The following UGT1A7 variants were observed in gnomAD, a reference collection of about 807,000 sequenced individuals.
UGT1A7 encodes the protein UDP glucuronosyltransferase family 1 member A7.
A neutral mutation model predicts 45.6 loss-of-function variants in UGT1A7; 33 were observed. The ratio of observed to expected loss-of-function variants is 0.72; its 90% confidence interval spans 0.55 to 0.97. UGT1A7 has a LOEUF of 0.97. Ranked by LOEUF, UGT1A7 falls within the 50% of genes least tolerant of loss-of-function variation. The pLI, the probability that UGT1A7 is intolerant of heterozygous loss-of-function variation, is 0.00. For synonymous variants in UGT1A7, 274 were observed against 250.6 expected, an observed-to-expected ratio of 1.09 and a Z score of -0.88; for missense variants, 684 against 666.2, an observed-to-expected ratio of 1.03 and a Z score of -0.29.
chr2:233,691,470 G>A (rs12474980), intron 1 of UGT1A7: 213,736 of 985,588 alleles, frequency 0.22, 23,726 homozygotes, highest in Non-Finnish European at 0.23. Context: ...GAACACCTCC[G>A]GTGCCAAACT....
At chr2:233,728,461 T>G (rs1047446637) in intron 1 of UGT1A7, among the ~76,000 whole-genome samples, 5 of 152,176 alleles carry the variant, frequency 3.3e-5, no homozygotes, top group African/African-American at 2.4e-5. Context: ...CAACAAAGTC[T>G]TCCCAAGAAT....
chr2:233,720,855 G>A (rs1361240386), intron 1 of UGT1A7, among the ~76,000 whole-genome samples: 4 of 149,664 alleles, frequency 2.7e-5, no homozygotes, highest in Non-Finnish European at 5.9e-5. Flanking sequence ...GCAGGCATGT[G>A]CCACTGCTCC....
chr2:233,712,899 G>T, intron 1 of UGT1A7: 1 of 1,608,322 alleles, frequency 6.2e-7, no homozygotes, highest in Non-Finnish European at 8.5e-7. Flanking sequence ...TGATTTGCTA[G>T]GTGTCTCAGT....
At position 233,743,636 on chromosome 2, in the gene UGT1A7, C is replaced by T. The variant is rs764566878; in HGVS notation, c.856-23398C>T. 27 of 1,367,194 alleles carry T rather than the reference C, an allele frequency of 2.0e-5. 2 individuals are homozygous for T. The African/African-American group carries it at 2.2e-4, about 11-fold the overall frequency. The allele number at this position is 1,367,194 out of a possible 1,614,324, so 84.7% of individuals were successfully genotyped here. A position where few individuals can be genotyped will look rare whatever the true frequency, so the allele number is the denominator to read the frequency against. On this transcript the variant is annotated intron_variant, in intron 1 of 4. Transcript: ENST00000373426. Reference sequence around the variant, plus strand: ...CTCCCTGAAGACGTCGGCTGGGTCGCGGAAGCTGAAGACGTACTCGAAGGG... The same window carrying T: ...CTCCCTGAAGACGTCGGCTGGGTCGTGGAAGCTGAAGACGTACTCGAAGGG...
intron 1 of UGT1A7, among the ~76,000 whole-genome samples, chr2:233,749,222 T>C (rs1694145273): frequency 6.6e-6 from 1 of 151,946 alleles, no homozygotes; most frequent in Non-Finnish European, 1.5e-5. Context: ...CACTCTAAGC[T>C]TCATTTTTTA....
chr2:233,712,795 G>A (rs551571775), intron 1 of UGT1A7, among the ~76,000 whole-genome samples: 4 of 152,284 alleles, frequency 2.6e-5, no homozygotes, highest in South Asian at 2.1e-4. Context: ...AGGAGTGATC[G>A]GTCTTTCCCA....
At chr2:233,748,608 C>T (rs1265158966) in intron 1 of UGT1A7, among the ~76,000 whole-genome samples, 3 of 151,644 alleles carry the variant, frequency 2.0e-5, no homozygotes, top group African/African-American at 4.9e-5. Flanking sequence ...AGTAGAGCAA[C>T]GAACGTGGGA....
intron 4 of UGT1A7, 116 bp from the exon 5 acceptor site, chr2:233,772,146 G>A: frequency 6.4e-7 from 1 of 1,552,532 alleles, no homozygotes; most frequent in Non-Finnish European, 8.7e-7. Flanking sequence ...ATAGAAACAG[G>A]TTTCCTTTCC....
In UGT1A7 at chr2:233,693,556, A is replaced by C. The variant is rs1105879; in HGVS notation, c.855+10764A>C. The C allele has an allele frequency of 0.35, 557,689 of 1,613,924 alleles. 98,561 individuals carry two copies. The highest frequency in any genetic ancestry group is 0.44 in the South Asian group (40,333 of 91,082). ...GTTCCCTGGAGCATACATTCAGCAG[A>C]AGCCCAGACCCTGTGTCCTACATTC... On this transcript the variant is annotated intron_variant, in intron 1 of 4. Coordinates refer to ENST00000373426, the MANE Select transcript of UGT1A7 (RefSeq NM_019077.3).
At chr2:233,700,651 T>C (rs1028601197) in intron 1 of UGT1A7, among the ~76,000 whole-genome samples, 22 of 152,344 alleles carry the variant, frequency 1.4e-4, no homozygotes, top group African/African-American at 5.1e-4. Context: ...AGTGTTTACA[T>C]ATTTCTACTT....
chr2:233,684,062 C>A (rs2074661866), intron 1 of UGT1A7, among the ~76,000 whole-genome samples: 1 of 152,122 alleles, frequency 6.6e-6, no homozygotes, highest in African/African-American at 2.4e-5. Flanking sequence ...GGTGTCTGAT[C>A]TAAGTATATT....
At chr2:233,714,474 A>G (rs2076389157) in intron 1 of UGT1A7, among the ~76,000 whole-genome samples, 1 of 152,148 alleles carries the variant, frequency 6.6e-6, no homozygotes, top group African/African-American at 2.4e-5. Context: ...GTAATAGGAG[A>G]ATGTTTCTTG....
intron 1 of UGT1A7, among the ~76,000 whole-genome samples, chr2:233,737,453 A>G (rs1465600831): frequency 6.6e-6 from 1 of 152,182 alleles, no homozygotes; most frequent in Non-Finnish European, 1.5e-5. Context: ...TTTTCCAGGT[A>G]CAGTCTGTCA....
chr2:233,764,353 C>G (rs556692571), intron 1 of UGT1A7, among the ~76,000 whole-genome samples: 23 of 152,240 alleles, frequency 1.5e-4, no homozygotes, highest in Non-Finnish European at 2.8e-4. Flanking sequence ...CTTTATTGAG[C>G]CTCATAGTAG....
intron 1 of UGT1A7, among the ~76,000 whole-genome samples, chr2:233,732,918 G>C (rs1288769205): frequency 6.6e-6 from 1 of 151,996 alleles, no homozygotes; most frequent in Non-Finnish European, 1.5e-5. Flanking sequence ...CCATTTTCAC[G>C]ATATTGATTC....
At chr2:233,736,477 G>A (rs565407070) in intron 1 of UGT1A7, among the ~76,000 whole-genome samples, 3 of 152,154 alleles carry the variant, frequency 2.0e-5, no homozygotes, top group African/African-American at 7.2e-5. Context: ...GCTTGGAGAG[G>A]TTTGTTACTA....
chr2:233,750,471 A>G (rs759933129), intron 1 of UGT1A7: 1 of 152,038 alleles, frequency 6.6e-6, no homozygotes, highest in African/African-American at 2.4e-5. Context: ...AATACTGGCT[A>G]TAGAAATTTG....
At chr2:233,734,495 T>C (rs541063425) in intron 1 of UGT1A7, among the ~76,000 whole-genome samples, 38 of 152,346 alleles carry the variant, frequency 2.5e-4, no homozygotes, top group African/African-American at 9.1e-4. Flanking sequence ...TTGAAGGTTT[T>C]TTTGTGTCTC....
chr2:233,716,707 T>G (rs2076520900), intron 1 of UGT1A7, among the ~76,000 whole-genome samples: 1 of 152,188 alleles, frequency 6.6e-6, no homozygotes, highest in Non-Finnish European at 1.5e-5. Flanking sequence ...TTAAAAACAC[T>G]AAAGAGTTCC....
Sources: allele counts gnomAD v4.1 joint callset (sites outside exome capture counted in the v4.1 genomes callset), GRCh38; gene constraint gnomAD v4.1.1; transcripts MANE v1.5; gene names NCBI Gene and HGNC (gene_info 2026-07-23, HGNC 2026-07-21).